The following MYCBP variants were observed in gnomAD, a reference collection of about 807,000 sequenced individuals.
The protein encoded by MYCBP is C-Myc-binding protein.
MYCBP carries 5 observed loss-of-function variants against 16.8 expected under a neutral mutation model. The observed-to-expected ratio is 0.30, with a 90% CI of 0.16 to 0.63. MYCBP has a LOEUF of 0.63. Among genes scored for constraint, MYCBP ranks in the 20% least tolerant of loss-of-function variants. MYCBP has a pLI of 0.83. For missense variants in MYCBP, 103 were observed against 121.8 expected (o/e 0.85, Z 0.73); for synonymous variants, 35 against 43.7 (o/e 0.80, Z 0.79).
intron 4 of MYCBP, among the ~76,000 whole-genome samples, chr1:38,866,636 C>T (rs911649627): frequency 1.7e-4 from 25 of 150,830 alleles, no homozygotes; most frequent in African/African-American, 5.9e-4. Context: ...AGGCTGGTCT[C>T]GAACTCTTGA....
At chr1:38,873,263 G>A in intron 1 of MYCBP, 28 bp downstream of exon 1, 2 of 1,598,802 alleles carry the variant, frequency 1.3e-6, no homozygotes, top group South Asian at 1.1e-5. Context: ...CCGCCCGCAT[G>A]CCCCCAGCCA....
Position 38,864,788 on chromosome 1 carries a change from T to C in MYCBP, c.268-74A>G, listed in dbSNP as rs1022600497. 4 of 1,389,748 alleles carry C rather than the reference T, an allele frequency of 2.9e-6. No individual in the cohort carries two copies. In the East Asian group the frequency reaches 9.2e-5, roughly 32 times the overall value. The allele number at this position is 1,389,748 out of a possible 1,614,324, so 86.1% of individuals were successfully genotyped here. ...GTAAAAAATAGTAAAACAAGGTAAC[T>C]GTTATATTCAACTTAGTTACTGTCA... On this transcript the variant is annotated intron_variant, in intron 4 of 4. Coordinates refer to ENST00000397572, the MANE Select transcript of MYCBP (RefSeq NM_012333.5).
At chr1:38,869,672 C>G (rs1015123156) in intron 2 of MYCBP, among the ~76,000 whole-genome samples, 8 of 152,116 alleles carry the variant, frequency 5.3e-5, no homozygotes, top group Non-Finnish European at 1.2e-4. Context: ...CTTCAGCTTC[C>G]AAATGATTTA....
At position 38,864,686 on chromosome 1, in the gene MYCBP, T is replaced by G. The variant is rs1642301707; in HGVS notation, c.296A>C (p.Glu99Ala). ...KLAQYEPPQE[E>A]KRAE ...AGAAGAATCCTATTCAGCACGCTTC[T>G]CCTCCTGAGGTGGTTCATACTGAGC... The change falls in exon 5 of 5, where the codon GAG becomes GCG. Residue 99 changes from glutamate (E) to alanine (A), a missense_variant. By Grantham distance (107) the Glu-to-Ala change is moderately radical. Transcript: ENST00000397572. 6.2e-7 allele frequency: 1 copy of G among 1,613,906 alleles called. No homozygotes were observed. The highest frequency in any genetic ancestry group is 1.7e-5 in the Admixed American group (1 of 60,022).
chr1:38,870,821 A>C (rs1234630445), intron 2 of MYCBP, among the ~76,000 whole-genome samples: 11 of 151,220 alleles, frequency 7.3e-5, no homozygotes, highest in Non-Finnish European at 1.0e-4. Flanking sequence ...AAAAAAAAAA[A>C]AAAAAAACAA....
chr1:38,865,226 T>C (rs1047779838), intron 4 of MYCBP, among the ~76,000 whole-genome samples: 1 of 152,238 alleles, frequency 6.6e-6, no homozygotes, highest in Non-Finnish European at 1.5e-5. Flanking sequence ...TTATGCTAAG[T>C]GTGGTTCCTT....
Position 38,864,474 on chromosome 1 carries a change from T to C in MYCBP, c.*196A>G. ...GGTTTTGTTCAGGATTTACTTTGGA[T>C]TCTCCTGCTTTAAGACCCAAAGAAA... On this transcript the variant is annotated 3_prime_UTR_variant, in exon 5 of 5. Coordinates refer to ENST00000397572, the MANE Select transcript of MYCBP (RefSeq NM_012333.5). 1 of 611,466 alleles carries C rather than the reference T, an allele frequency of 1.6e-6. No individual in the cohort carries two copies. Among genetic ancestry groups the C allele is most frequent in the Non-Finnish European group, 2.9e-6 (1 of 349,026 alleles). 37.9% of individuals were successfully genotyped at this position (611,466 alleles called of 1,614,324 possible).
At chr1:38,866,045 T>TTTTTTTC (rs1491352856) in intron 4 of MYCBP, among the ~76,000 whole-genome samples, 1 of 17,316 alleles carries the variant, frequency 5.8e-5, no homozygotes, top group Non-Finnish European at 1.8e-4. Flanking sequence ...TAAGAACCTC[T>TTTTTTTC]TTTTTTTTTT....
chr1:38,871,416 C>A (rs1022367040), intron 2 of MYCBP, among the ~76,000 whole-genome samples: 1 of 149,854 alleles, frequency 6.7e-6, no homozygotes, highest in African/African-American at 2.4e-5. Flanking sequence ...ACACACACAT[C>A]CCACCTGTCA....
intron 4 of MYCBP, among the ~76,000 whole-genome samples, chr1:38,866,577 C>T (rs969046642): frequency 2.6e-5 from 4 of 152,062 alleles, no homozygotes; most frequent in East Asian, 1.9e-4. Flanking sequence ...CCACCATGCC[C>T]GGCTAATTTT....
Position 38,863,188 on chromosome 1 carries a change from C to G in MYCBP, c.*1482G>C, listed in dbSNP as rs1227388422. On this transcript the variant is annotated 3_prime_UTR_variant, in exon 5 of 5. Transcript: ENST00000397572. ...ACCCCCTCCAAAAACAAACTTGTGA[C>G]TAGAAGAGGCACCAGCCATAGCCAC... The G allele has an allele frequency of 1.3e-5, 2 of 152,216 alleles. No homozygotes were observed. The highest frequency in any genetic ancestry group is 2.9e-5 in the Non-Finnish European group (2 of 68,038). 9.4% of individuals were successfully genotyped at this position (152,216 alleles called of 1,614,324 possible).
intron 2 of MYCBP, 34 bp from the exon 3 acceptor site, chr1:38,867,644 A>G (rs977458061): frequency 2.5e-6 from 4 of 1,599,268 alleles, no homozygotes; most frequent in Non-Finnish European, 3.4e-6. Flanking sequence ...GCAACAATTG[A>G]CGTATTAAAT....
At chr1:38,872,684 T>G in intron 2 of MYCBP, 1 of 335,290 alleles carries the variant, frequency 3.0e-6, no homozygotes, top group Admixed American at 4.7e-5. Flanking sequence ...GAGGACTCCA[T>G]AAAAACCGTA....
At chr1:38,867,506 C>G (rs1354982494) in intron 3 of MYCBP, 56 bp downstream of exon 3, 1 of 1,294,184 alleles carries the variant, frequency 7.7e-7, no homozygotes, top group African/African-American at 1.5e-5. Context: ...AGGTTATTAT[C>G]TATCTAAAAA....
At chr1:38,867,083 T>C in intron 3 of MYCBP, 74 bp from the exon 4 acceptor site, 1 of 1,390,016 alleles carries the variant, frequency 7.2e-7, no homozygotes, top group Non-Finnish European at 9.9e-7. Context: ...AGTATCAATA[T>C]CCCTGACCAG....
chr1:38,867,155 T>A, intron 3 of MYCBP, 146 bp from the exon 4 acceptor site: 1 of 837,908 alleles, frequency 1.2e-6, no homozygotes, highest in Non-Finnish European at 1.8e-6. Flanking sequence ...CAAGTGAAAC[T>A]AACTTTCTTG....
At chr1:38,864,787 CTG>C (rs1553154986) in intron 4 of MYCBP, 73 bp from the exon 5 acceptor site, 1 of 1,388,046 alleles carries the variant, frequency 7.2e-7, no homozygotes, top group Non-Finnish European at 1.0e-6. Flanking sequence ...AACAAGGTAA[CTG>C]TTATATTCAA....
chr1:38,870,999 C>T (rs969965350), intron 2 of MYCBP, among the ~76,000 whole-genome samples: 3 of 151,714 alleles, frequency 2.0e-5, no homozygotes, highest in South Asian at 4.2e-4. Context: ...CAGCACTCTG[C>T]GGGGCTGAGG....
rs71057153 is a variant in MYCBP at position 38,866,044 on chromosome 1, CTTTTTTTTTTT to C, written c.267+825_267+835del. On this transcript the variant is annotated intron_variant, in intron 4 of 4. Coordinates refer to ENST00000397572, the MANE Select transcript of MYCBP (RefSeq NM_012333.5). ...TAGTAATACAGGTTCCTAAGAACCT[CTTTTTTTTTTT>C]TTTTTTTTTTGAGACAGAGTTTCAT... Among the ~76,000 whole-genome samples, 4 of 65,720 alleles carry C rather than the reference CTTTTTTTTTTT, an allele frequency of 6.1e-5. 1 individual carries two copies. 43.1% of individuals were successfully genotyped at this position (65,720 alleles called of 152,430 possible).
Sources: allele counts gnomAD v4.1 joint callset (sites outside exome capture counted in the v4.1 genomes callset), GRCh38; gene constraint gnomAD v4.1.1; transcripts MANE v1.5; gene names NCBI Gene and HGNC (gene_info 2026-07-23, HGNC 2026-07-21).